The following ERC2 variants were observed in gnomAD, a reference collection of about 807,000 sequenced individuals.
ERC2 encodes the protein ELKS/RAB6-interacting/CAST family member 2, also known as ERC protein 2.
In ERC2, 42 loss-of-function variants were observed where a neutral mutation model predicts 114.8. The observed-to-expected ratio is 0.37, with a 90% CI of 0.29 to 0.47. ERC2 has a LOEUF of 0.47. Ranked by LOEUF, ERC2 falls within the 20% of genes least tolerant of loss-of-function variation. ERC2 has a pLI of 0.99. For synonymous variants in ERC2, 454 were observed against 425.5 expected, an observed-to-expected ratio of 1.07 and a Z score of -0.82; for missense variants, 939 against 1,150.7, an observed-to-expected ratio of 0.82 and a Z score of 2.66.
chr3:56,011,424 G>A (rs554400912), intron 8 of ERC2, among the ~76,000 whole-genome samples: 5 of 152,128 alleles, frequency 3.3e-5, no homozygotes, highest in African/African-American at 9.6e-5. Flanking sequence ...TAAACAGAAC[G>A]CCTCCCACAT....
chr3:55,703,884 C>T (rs896751663), intron 15 of ERC2, among the ~76,000 whole-genome samples: 9 of 152,112 alleles, frequency 5.9e-5, no homozygotes, highest in South Asian at 2.1e-4. Flanking sequence ...TTAGGCAAGT[C>T]GAATTGGTCT....
intron 2 of ERC2, among the ~76,000 whole-genome samples, chr3:56,305,775 G>T (rs1490242495): frequency 6.6e-6 from 1 of 152,194 alleles, no homozygotes; most frequent in African/African-American, 2.4e-5. Flanking sequence ...GGCCAAATCT[G>T]GCCTTTTGCC....
chr3:56,462,610 G>A (rs1362079443), intron 1 of ERC2, among the ~76,000 whole-genome samples: 1 of 152,168 alleles, frequency 6.6e-6, no homozygotes, highest in African/African-American at 2.4e-5. Flanking sequence ...CCAGAGGCAA[G>A]ATGATGATCC....
intron 2 of ERC2, among the ~76,000 whole-genome samples, chr3:56,400,791 T>A (rs1214902603): frequency 6.6e-6 from 1 of 152,354 alleles, no homozygotes; most frequent in African/African-American, 2.4e-5. Flanking sequence ...GTCTGATACG[T>A]AAGTGGAACA....
chr3:55,941,872 TTTAG>T (rs1172825850), intron 13 of ERC2, among the ~76,000 whole-genome samples: 6 of 152,340 alleles, frequency 3.9e-5, no homozygotes, highest in Non-Finnish European at 8.8e-5. Flanking sequence ...TTACTACTTC[TTTAG>T]TTACCCTAGT....
intron 13 of ERC2, among the ~76,000 whole-genome samples, chr3:55,909,230 A>G (rs1576146589): frequency 6.6e-6 from 1 of 152,228 alleles, no homozygotes; most frequent in Middle Eastern, 3.4e-3. Flanking sequence ...TTCTTTCACA[A>G]TGGCGTCTGA....
At chr3:55,558,836 G>A (rs1009919579) in intron 17 of ERC2, among the ~76,000 whole-genome samples, 1 of 152,198 alleles carries the variant, frequency 6.6e-6, no homozygotes, top group African/African-American at 2.4e-5. Flanking sequence ...AGATCTAGGG[G>A]TAAACAGTGG....
chr3:55,517,960 T>C (rs2052646805), intron 17 of ERC2, among the ~76,000 whole-genome samples: 1 of 152,238 alleles, frequency 6.6e-6, no homozygotes, highest in Admixed American at 6.5e-5. Context: ...AAGGTCTTTG[T>C]CACTCTACTC....
chr3:56,229,119 T>C (rs760911747), intron 3 of ERC2, among the ~76,000 whole-genome samples: 1 of 152,220 alleles, frequency 6.6e-6, no homozygotes, highest in African/African-American at 2.4e-5. Flanking sequence ...ATTTACCAAG[T>C]GCCAGGCATT....
intron 15 of ERC2, among the ~76,000 whole-genome samples, chr3:55,730,876 G>A (rs1375064926): frequency 6.6e-6 from 1 of 152,156 alleles, no homozygotes. Flanking sequence ...TGAAGAGGGT[G>A]GCATCTCTCA....
intron 17 of ERC2, among the ~76,000 whole-genome samples, chr3:55,586,348 A>G (rs1289572076): frequency 3.3e-5 from 5 of 152,210 alleles, no homozygotes; most frequent in Non-Finnish European, 7.3e-5. Flanking sequence ...CTCCCATATT[A>G]CTTTGGGAAA....
chr3:56,076,495 G>C (rs2076983793), intron 7 of ERC2, among the ~76,000 whole-genome samples: 1 of 152,088 alleles, frequency 6.6e-6, no homozygotes, highest in African/African-American at 2.4e-5. Context: ...TTAAATTCAG[G>C]TATGGGAACA....
intron 6 of ERC2, among the ~76,000 whole-genome samples, chr3:56,121,110 A>T (rs2079550112): frequency 6.6e-6 from 1 of 152,178 alleles, no homozygotes; most frequent in African/African-American, 2.4e-5. Context: ...CTTTACCTCT[A>T]GGCCTCTGTT....
At chr3:56,404,861 GT>G (rs2060653259) in intron 2 of ERC2, among the ~76,000 whole-genome samples, 1 of 152,120 alleles carries the variant, frequency 6.6e-6, no homozygotes, top group Non-Finnish European at 1.5e-5. Context: ...TCAACATGCT[GT>G]AAAAAATTCA....
At chr3:55,626,741 G>A (rs1283542562) in intron 17 of ERC2, among the ~76,000 whole-genome samples, 1 of 152,208 alleles carries the variant, frequency 6.6e-6, no homozygotes, top group Non-Finnish European at 1.5e-5. Flanking sequence ...ACCCACCATA[G>A]AAGCTCCACA....
chr3:55,887,644 C>A (rs1457477701), intron 14 of ERC2, among the ~76,000 whole-genome samples: 1 of 152,192 alleles, frequency 6.6e-6, no homozygotes, highest in African/African-American at 2.4e-5. Context: ...CAGTAATTTT[C>A]TTTCCTATGT....
intron 17 of ERC2, among the ~76,000 whole-genome samples, chr3:55,585,662 G>T (rs2057560649): frequency 6.6e-6 from 1 of 152,196 alleles, no homozygotes; most frequent in Non-Finnish European, 1.5e-5. Flanking sequence ...GACCCTGGAA[G>T]ATAACAAAAT....
chr3:55,841,052 C>A (rs759335502), intron 14 of ERC2, among the ~76,000 whole-genome samples: 4 of 152,126 alleles, frequency 2.6e-5, no homozygotes, highest in African/African-American at 7.2e-5. Flanking sequence ...TGCTTTACAC[C>A]TGCATCCATA....
At chr3:56,033,007 G>GAAAAAAGAAACAT (rs36188461) in intron 7 of ERC2, among the ~76,000 whole-genome samples, 1 of 119,474 alleles carries the variant, frequency 8.4e-6, no homozygotes, top group African/African-American at 3.2e-5. Flanking sequence ...AAGAAAGAAA[G>GAAAAAAGAAACAT]AAAGAAAGAA....
Sources: gnomAD v4.1 joint callset for allele counts (sites outside exome capture counted in the v4.1 genomes callset) on GRCh38, gnomAD v4.1.1 for gene constraint, MANE v1.5 for transcripts, NCBI Gene and HGNC (gene_info 2026-07-23, HGNC 2026-07-21) for gene names.